Variants in RNMT observed in about 807,000 individuals in gnomAD.
RNMT encodes the protein mRNA cap guanine-N(7) methyltransferase.
A neutral mutation model predicts 56.0 loss-of-function variants in RNMT; 27 were observed. That is an observed-to-expected ratio of 0.48 (90% CI 0.36 to 0.67). RNMT has a LOEUF of 0.67. Ranked by LOEUF, RNMT falls within the 30% of genes least tolerant of loss-of-function variation. RNMT has a pLI of 0.00. For missense variants in RNMT, 519 were observed against 552.1 expected (o/e 0.94, Z 0.60); for synonymous variants, 184 against 176.2 (o/e 1.04, Z -0.35).
rs1598428382 is a variant in RNMT at position 13,754,205 on chromosome 18, A to G, written c.1393+58A>G. On this transcript the variant is annotated intron_variant, in intron 11 of 11. Transcript: ENST00000383314. ...ATTTCAAAAGTCCTGTTTCAAAGTG[A>G]TCATTAAAACCTGAAAAAAGGCTGG... The G allele has an allele frequency of 9.1e-5, 110 of 1,213,240 alleles. No individual in the cohort carries two copies. In the South Asian group the frequency reaches 1.4e-3, roughly 16 times the overall value. 75.2% of individuals were successfully genotyped at this position (1,213,240 alleles called of 1,614,324 possible). A position where few individuals can be genotyped will look rare whatever the true frequency, so the allele number is the denominator to read the frequency against.
At position 13,760,796 on chromosome 18, in the gene RNMT, G is replaced by C; in HGVS notation, c.*817G>C. On this transcript the variant is annotated 3_prime_UTR_variant, in exon 12 of 12. Transcript: ENST00000383314. ...CACATTTTTTCCAAATTTATACATG[G>C]AACTGCAGTAGGAATATTCTCACCA... is the stretch of plus-strand genomic sequence containing the variant. 1 of 985,334 alleles carries C rather than the reference G, an allele frequency of 1.0e-6. No individual in the cohort carries two copies. Among genetic ancestry groups the C allele is most frequent in the Non-Finnish European group, 1.2e-6 (1 of 829,912 alleles). The allele number at this position is 985,334 out of a possible 1,614,324, so 61.0% of individuals were successfully genotyped here.
chr18:13,762,233 C>A lies in RNMT; in HGVS notation c.*2254C>A. The A allele has an allele frequency of 7.1e-7, 1 of 1,406,036 alleles. No homozygotes were observed. The highest frequency in any genetic ancestry group is 9.5e-7 in the Non-Finnish European group (1 of 1,055,756). 87.1% of individuals were successfully genotyped at this position (1,406,036 alleles called of 1,614,324 possible). A position where few individuals can be genotyped will look rare whatever the true frequency, so the allele number is the denominator to read the frequency against. Reference sequence around the variant, plus strand: ...GGAACTGGGGATTGCGATGATTGATCTGGGAACATGGCTGGATTGTGATTT... The same window carrying A: ...GGAACTGGGGATTGCGATGATTGATATGGGAACATGGCTGGATTGTGATTT... On this transcript the variant is annotated 3_prime_UTR_variant, in exon 12 of 12. Coordinates refer to ENST00000383314, the MANE Select transcript of RNMT (RefSeq NM_003799.3).
intron 1 of RNMT, among the ~76,000 whole-genome samples, chr18:13,727,159 G>T (rs2043971554): frequency 6.6e-6 from 1 of 152,262 alleles, no homozygotes; most frequent in South Asian, 2.1e-4. Context: ...CTCGGGCCCC[G>T]TGGTAGAGGG....
chr18:13,732,887 G>A (rs978031615), intron 3 of RNMT, among the ~76,000 whole-genome samples: 5 of 150,794 alleles, frequency 3.3e-5, no homozygotes, highest in Non-Finnish European at 5.9e-5. Flanking sequence ...TCAGCCTCCC[G>A]AGTAGCTGGG....
At chr18:13,752,836 G>GT (rs1303566439) in intron 10 of RNMT, among the ~76,000 whole-genome samples, 9 of 152,308 alleles carry the variant, frequency 5.9e-5, no homozygotes, top group African/African-American at 2.2e-4. Flanking sequence ...TACCACAGTG[G>GT]TATTAGCTGC....
chr18:13,736,372 C>A (rs1295697891), intron 4 of RNMT, among the ~76,000 whole-genome samples: 1 of 152,102 alleles, frequency 6.6e-6, no homozygotes, highest in Non-Finnish European at 1.5e-5. Context: ...TTTTAATCGA[C>A]GTTTGAACAA....
intron 1 of RNMT, among the ~76,000 whole-genome samples, chr18:13,729,359 C>T (rs1334783909): frequency 6.6e-6 from 1 of 152,190 alleles, no homozygotes; most frequent in African/African-American, 2.4e-5. Context: ...TCTGTGATAT[C>T]ATGAAAGTGA....
chr18:13,755,956 G>A (rs1348449977), intron 11 of RNMT, among the ~76,000 whole-genome samples: 1 of 152,236 alleles, frequency 6.6e-6, no homozygotes, highest in African/African-American at 2.4e-5. Flanking sequence ...CATGCGAAGA[G>A]AGCAGTGGCC....
At chr18:13,742,303 C>G (rs1213635734) in intron 7 of RNMT, among the ~76,000 whole-genome samples, 185 bp from the exon 8 acceptor site, 1 of 150,986 alleles carries the variant, frequency 6.6e-6, no homozygotes, top group Non-Finnish European at 1.5e-5. Context: ...CCACCACACT[C>G]CAGCCTGAAT....
intron 10 of RNMT, among the ~76,000 whole-genome samples, chr18:13,753,818 C>CACACACAG (rs749138784): frequency 3.1e-4 from 28 of 89,904 alleles, no homozygotes; most frequent in Middle Eastern, 5.8e-3. Context: ...TTTCCAGTTA[C>CACACACAG]ACACACACAC....
chr18:13,759,786 ATT>A (rs2044597055), intron 11 of RNMT, among the ~76,000 whole-genome samples, 154 bp from the exon 12 acceptor site: 1 of 152,224 alleles, frequency 6.6e-6, no homozygotes, highest in Non-Finnish European at 1.5e-5. Flanking sequence ...CCTAAAAATG[ATT>A]CAAATAATAG....
At chr18:13,740,785 T>C (rs891667683) in intron 6 of RNMT, among the ~76,000 whole-genome samples, 3 of 152,276 alleles carry the variant, frequency 2.0e-5, no homozygotes, top group Admixed American at 1.3e-4. Flanking sequence ...TGAATACTTG[T>C]AATTTTTTGC....
In RNMT at chr18:13,731,748, T is replaced by C; in HGVS notation, c.231T>C (p.Thr77=). 1 of 1,612,950 alleles carries C rather than the reference T, an allele frequency of 6.2e-7. No individual in the cohort carries two copies. Among genetic ancestry groups the C allele is most frequent in the South Asian group, 1.1e-5 (1 of 90,762 alleles). ...VKESSSCGKD[T]PSKKRKLDPE... is the part of the protein sequence containing the mutation. ...AAAGTTCTAGTTGTGGGAAAGACAC[T>C]CCATCCAAGAAGAGAAAACTTGATC... is the stretch of plus-strand genomic sequence containing the variant. The change falls in exon 3 of 12, where the codon ACT becomes ACC. Residue 77 remains threonine, a synonymous_variant. Transcript: ENST00000383314.
intron 1 of RNMT, among the ~76,000 whole-genome samples, chr18:13,727,458 T>C (rs537202231): frequency 1.7e-4 from 26 of 152,312 alleles, no homozygotes; most frequent in Admixed American, 5.2e-4. Context: ...GGGTTTTTTT[T>C]CCCCCAATTT....
At chr18:13,729,279 A>G (rs2044028419) in intron 1 of RNMT, among the ~76,000 whole-genome samples, 1 of 152,100 alleles carries the variant, frequency 6.6e-6, no homozygotes, top group Admixed American at 6.5e-5. Flanking sequence ...AAACGTTCTT[A>G]CTTATTTTTG....
chr18:13,759,819 G>GAATTA, intron 11 of RNMT, 123 bp from the exon 12 acceptor site: 1 of 715,788 alleles, frequency 1.4e-6, no homozygotes, highest in Non-Finnish European at 2.4e-6. Flanking sequence ...AGAATTAATG[G>GAATTA]GGATTTTCCT....
intron 9 of RNMT, among the ~76,000 whole-genome samples, chr18:13,746,635 G>A (rs911738363): frequency 6.6e-6 from 1 of 152,184 alleles, no homozygotes; most frequent in Non-Finnish European, 1.5e-5. Context: ...GGGATGCTGT[G>A]CATTGTAGGA....
At chr18:13,753,548 G>A (rs1344261415) in intron 10 of RNMT, among the ~76,000 whole-genome samples, 1 of 152,072 alleles carries the variant, frequency 6.6e-6, no homozygotes, top group East Asian at 1.9e-4. Context: ...GAGGCGGGCG[G>A]ATCACAACGT....
In RNMT at chr18:13,761,238, G is replaced by A. The variant is rs1302489408; in HGVS notation, c.*1259G>A. On this transcript the variant is annotated 3_prime_UTR_variant, in exon 12 of 12. Transcript: ENST00000383314. Reference sequence around the variant, plus strand: ...CTCATTTCAGTTCCTTCTGCAGCCTGTGAATCTCCACAAAGTGTTACCAGT... The same window carrying A: ...CTCATTTCAGTTCCTTCTGCAGCCTATGAATCTCCACAAAGTGTTACCAGT... The A allele has an allele frequency of 1.0e-6, 1 of 985,376 alleles. No homozygotes were observed. Among genetic ancestry groups the A allele is most frequent in the Non-Finnish European group, 1.2e-6 (1 of 829,918 alleles). 61.0% of individuals were successfully genotyped at this position (985,376 alleles called of 1,614,324 possible).
Sources: gnomAD v4.1 joint callset for allele counts (sites outside exome capture counted in the v4.1 genomes callset) on GRCh38, gnomAD v4.1.1 for gene constraint, MANE v1.5 for transcripts, NCBI Gene and HGNC (gene_info 2026-07-23, HGNC 2026-07-21) for gene names.